MYO9A: variants seen among roughly 807,000 people sequenced by gnomAD.
MYO9A encodes unconventional myosin-IXa.
A neutral mutation model predicts 293.3 loss-of-function variants in MYO9A; 103 were observed. The ratio of observed to expected loss-of-function variants is 0.35; its 90% CI spans 0.30 to 0.41. The LOEUF (loss-of-function observed/expected upper bound fraction) is 0.41, where lower values mean the gene tolerates loss of function less well. MYO9A is among the 10% of genes least tolerant of loss of function. The pLI, the probability that MYO9A is intolerant of heterozygous loss-of-function variation, is 1.00. For synonymous variants in MYO9A, 1,001 were observed against 1,035.7 expected (o/e 0.97, Z 0.64); for missense variants, 2,685 against 3,033.0 (o/e 0.89, Z 2.69).
intron 1 of MYO9A, among the ~76,000 whole-genome samples, chr15:72,104,293 T>C (rs1234825128): frequency 6.6e-6 from 1 of 152,198 alleles, no homozygotes; most frequent in Non-Finnish European, 1.5e-5. Context: ...AGCTATTATA[T>C]TTGGTAGGTT....
Position 71,916,490 on chromosome 15 carries a change from G to A in MYO9A, c.2565C>T (p.His855=). The A allele has an allele frequency of 6.3e-7, 1 of 1,597,954 alleles. No individual in the cohort carries two copies. The highest frequency in any genetic ancestry group is 1.8e-5 in the Admixed American group (1 of 55,356). ...NFKSKPALPK[H]LLEVNSLKHL... is the part of the protein sequence containing the mutation. ...GCTTTAAAGAATTTACTTCTAGCAAGTGCTGAAAGAAGAGAAAAAATAAAT... is the reference window on the plus strand; with the variant it reads ...GCTTTAAAGAATTTACTTCTAGCAAATGCTGAAAGAAGAGAAAAAATAAAT... The change falls in exon 19 of 42, where the codon CAC becomes CAT. Residue 855 remains histidine (H), a splice_region_variant and synonymous_variant. Transcript: ENST00000356056.
intron 21 of MYO9A, 89 bp downstream of exon 21, chr15:71,903,840 A>G: frequency 8.9e-7 from 1 of 1,125,790 alleles, no homozygotes; most frequent in Non-Finnish European, 1.3e-6. Context: ...AAGGAAAATA[A>G]GTAAGCCCCA....
chr15:71,901,312 T>C lies in MYO9A; in HGVS notation c.3029A>G (p.His1010Arg), dbSNP rs1447392413. The C allele has an allele frequency of 6.2e-7, 1 of 1,613,610 alleles. No homozygotes were observed. The highest frequency in any genetic ancestry group is 1.3e-5 in the African/African-American group (1 of 74,912). Reference sequence around the variant, plus strand: ...CTCTTGGTGAAGCAGATCTTGTAAGTGCTGTCGTTCCTGCTCCTTTAGAAA... The same window carrying C: ...CTCTTGGTGAAGCAGATCTTGTAAGCGCTGTCGTTCCTGCTCCTTTAGAAA... Reference protein sequence around the residue: ...MVFLKEQERQHLQDLLHQEVL... With the variant: ...MVFLKEQERQRLQDLLHQEVL... Residue 1010 changes from histidine (H) to arginine (R), a missense_variant, in exon 23 of 42, where the codon CAC becomes CGC. His to Arg is a conservative substitution (Grantham distance 29). Coordinates refer to ENST00000356056, the MANE Select transcript of MYO9A (RefSeq NM_006901.4).
rs749740567 is a variant in MYO9A, at chr15:71,960,037, G to A, written c.2046C>T (p.Ser682=). 1.2e-6 allele frequency: 2 copies of A among 1,613,984 alleles called. No homozygotes were observed. The highest frequency in any genetic ancestry group is 3.3e-5 in the Admixed American group (2 of 60,008). ...TCCCAGAGATAAATGCATTCTTGCT[G>A]CTTCTCAGAAGAGCTACAATGTCTG... The part of the protein sequence containing the change: ...MRPDIVALLR[S]SKNAFISGMI... Residue 682 remains serine (S), a synonymous_variant, in exon 14 of 42, where the codon AGC becomes AGT. Transcript: ENST00000356056.
chr15:71,977,433 C>T (rs1302869390), intron 12 of MYO9A, among the ~76,000 whole-genome samples: 2 of 152,116 alleles, frequency 1.3e-5, no homozygotes. Flanking sequence ...GACAAGATTT[C>T]ACCATGTTGG....
chr15:71,958,069 A>G (rs2059244494), intron 14 of MYO9A, among the ~76,000 whole-genome samples: 1 of 152,194 alleles, frequency 6.6e-6, no homozygotes, highest in African/African-American at 2.4e-5. Context: ...AAAGGAAATA[A>G]AAACATACTG....
upstream of MYO9A, chr15:72,118,302 C>T: frequency 7.9e-6 from 2 of 252,384 alleles, no homozygotes; most frequent in Non-Finnish European, 1.5e-5. Flanking sequence ...TTTTCTTCTT[C>T]ACCTTACGGC....
At chr15:71,837,171 T>C (rs181459993) in intron 39 of MYO9A, among the ~76,000 whole-genome samples, 19 of 152,162 alleles carry the variant, frequency 1.2e-4, no homozygotes, top group Admixed American at 2.6e-4. Context: ...GTCTCAAAAA[T>C]AGAAATCCAT....
At chr15:71,929,000 G>C (rs2145581031) in intron 18 of MYO9A, among the ~76,000 whole-genome samples, 1 of 151,592 alleles carries the variant, frequency 6.6e-6, no homozygotes, top group South Asian at 2.1e-4. Flanking sequence ...GAACCCATGA[G>C]TTCAAGGTAC....
intron 6 of MYO9A, among the ~76,000 whole-genome samples, chr15:72,015,131 C>T (rs2077293348): frequency 1.3e-5 from 2 of 151,762 alleles, no homozygotes; most frequent in African/African-American, 2.4e-5. Flanking sequence ...GCGTGACCCA[C>T]CGCACCTGGC....
rs1288673316 is a variant in MYO9A, at chr15:72,117,891, G to A, written c.-283C>T. The A allele has an allele frequency of 5.0e-6, 2 of 398,424 alleles. No homozygotes were observed. Among genetic ancestry groups the A allele is most frequent in the Admixed American group, 4.4e-5 (1 of 22,688 alleles). 24.7% of individuals were successfully genotyped at this position (398,424 alleles called of 1,614,324 possible). On this transcript the variant is annotated 5_prime_UTR_variant, in exon 1 of 42. Transcript: ENST00000356056. ...CTGTCAGAGAGACTCCGCCCGGCCTGAGCAGGCACATCCCCCGCCGCACCC... is the reference window on the plus strand; with the variant it reads ...CTGTCAGAGAGACTCCGCCCGGCCTAAGCAGGCACATCCCCCGCCGCACCC...
chr15:72,023,048 A>G (rs1270912266), intron 4 of MYO9A, among the ~76,000 whole-genome samples: 4 of 152,212 alleles, frequency 2.6e-5, no homozygotes, highest in Non-Finnish European at 5.9e-5. Flanking sequence ...TTAATGAACT[A>G]AAGAAAACTA....
chr15:71,962,206 C>T (rs2075764273), intron 13 of MYO9A, among the ~76,000 whole-genome samples: 1 of 152,148 alleles, frequency 6.6e-6, no homozygotes, highest in African/African-American at 2.4e-5. Flanking sequence ...ACAGCATAGG[C>T]ATTGACTATA....
At chr15:71,912,647 CCAT>C (rs1242307063) in intron 19 of MYO9A, among the ~76,000 whole-genome samples, 2 of 152,138 alleles carry the variant, frequency 1.3e-5, no homozygotes, top group Admixed American at 1.3e-4. Context: ...TGTGGTTTTC[CCAT>C]CATTTTTCTT....
chr15:72,058,019 C>G (rs914596101), intron 1 of MYO9A, among the ~76,000 whole-genome samples: 2 of 152,186 alleles, frequency 1.3e-5, no homozygotes, highest in Admixed American at 6.5e-5. Flanking sequence ...CAAAAAATCT[C>G]ACAACCTAAA....
At chr15:71,873,210 C>T (rs1490847958) in intron 32 of MYO9A, among the ~76,000 whole-genome samples, 3 of 151,924 alleles carry the variant, frequency 2.0e-5, no homozygotes, top group Admixed American at 6.6e-5. Context: ...TGAACCACCG[C>T]GCCTGGCCAG....
chr15:71,895,740 A>G (rs531807102), intron 25 of MYO9A, among the ~76,000 whole-genome samples: 1 of 152,108 alleles, frequency 6.6e-6, no homozygotes, highest in African/African-American at 2.4e-5. Context: ...GATCATTAAT[A>G]AAGCAATAAA....
intron 2 of MYO9A, among the ~76,000 whole-genome samples, chr15:72,033,521 T>A (rs1052236362): frequency 6.6e-6 from 1 of 152,156 alleles, no homozygotes; most frequent in Non-Finnish European, 1.5e-5. Context: ...ACAAACACTA[T>A]GCTAAGCACA....
intron 19 of MYO9A, among the ~76,000 whole-genome samples, chr15:71,915,925 A>G (rs1485750733): frequency 6.6e-6 from 1 of 152,146 alleles, no homozygotes; most frequent in African/African-American, 2.4e-5. Flanking sequence ...AAAAGCCCCA[A>G]AAAAGAACTG....
Sources: gnomAD v4.1 joint callset for allele counts (sites outside exome capture counted in the v4.1 genomes callset) on GRCh38, gnomAD v4.1.1 for gene constraint, MANE v1.5 for transcripts, NCBI Gene and HGNC (gene_info 2026-07-23, HGNC 2026-07-21) for gene names.